The following ANK2 variants were observed in gnomAD, a reference collection of about 807,000 sequenced individuals.
ANK2 encodes ankyrin 2.
In ANK2, 83 loss-of-function variants were observed where a neutral mutation model predicts 360.5. The ratio of observed to expected loss-of-function variants is 0.23; its 90% CI spans 0.19 to 0.28. The LOEUF is 0.28. Ranked by LOEUF, ANK2 falls within the 10% of genes least tolerant of loss-of-function variation. ANK2 has a pLI of 1.00. For synonymous variants in ANK2, 1,740 were observed against 1,759.5 expected (o/e 0.99, Z 0.28); for missense variants, 4,201 against 4,795.7 (o/e 0.88, Z 3.66).
At chr4:112,996,431 A>G (rs372944972) in intron 2 of ANK2, among the ~76,000 whole-genome samples, 1 of 152,174 alleles carries the variant, frequency 6.6e-6, no homozygotes, top group South Asian at 2.1e-4. Context: ...TAATAAAACT[A>G]TATTTTAAAA....
chr4:113,111,702 G>GA (rs34301857), intron 1 of ANK2, among the ~76,000 whole-genome samples: 3 of 151,552 alleles, frequency 2.0e-5, no homozygotes, highest in Non-Finnish European at 2.9e-5. Context: ...ATATTTTTTG[G>GA]AAAAAAAACC....
chr4:113,278,641 G>T, intron 17 of ANK2, 83 bp downstream of exon 17: 2 of 1,375,238 alleles, frequency 1.5e-6, no homozygotes, highest in South Asian at 1.2e-5. Context: ...TAAACACATG[G>T]TATAGTATAA....
At chr4:112,742,311 AACTGCTAC>A in the ANK2 span, among the ~76,000 whole-genome samples, 1 of 152,302 alleles carries the variant, frequency 6.6e-6, no homozygotes, top group African/African-American at 2.4e-5. Context: ...AAAATATGAT[AACTGCTAC>A]ACAGACTTGG....
chr4:113,378,046 A>G (rs190921285), intron 45 of ANK2: 36 of 976,040 alleles, frequency 3.7e-5, no homozygotes, highest in Admixed American at 3.3e-4. Flanking sequence ...TTGAAAGTCT[A>G]TAGTTTATGA....
chr4:113,294,949 T>A (rs1416582659), intron 22 of ANK2, among the ~76,000 whole-genome samples: 3 of 152,172 alleles, frequency 2.0e-5, no homozygotes, highest in East Asian at 3.8e-4. Context: ...TAAAACAAGG[T>A]GTACATCACA....
intron 1 of ANK2, among the ~76,000 whole-genome samples, chr4:113,055,960 A>G (rs1438103222): frequency 6.6e-6 from 1 of 152,078 alleles, no homozygotes; most frequent in African/African-American, 2.4e-5. Context: ...ACTCTTATCT[A>G]TGGGAATAAC....
At chr4:113,375,219 A>G (rs2096882286) in intron 45 of ANK2, among the ~76,000 whole-genome samples, 1 of 152,206 alleles carries the variant, frequency 6.6e-6, no homozygotes, top group South Asian at 2.1e-4. Flanking sequence ...GAGCTGGTAT[A>G]TGATTATACA....
intron 26 of ANK2, among the ~76,000 whole-genome samples, chr4:113,329,510 G>T (rs1452477606): frequency 6.6e-6 from 1 of 152,128 alleles, no homozygotes; most frequent in Non-Finnish European, 1.5e-5. Flanking sequence ...AGATGATACA[G>T]ATATCTTCCA....
chr4:113,009,289 A>C (rs2053949614), intron 2 of ANK2, among the ~76,000 whole-genome samples: 1 of 152,188 alleles, frequency 6.6e-6, no homozygotes, highest in Non-Finnish European at 1.5e-5. Flanking sequence ...TGAAAACTAC[A>C]GAGTGCCTTA....
At chr4:113,187,457 G>A (rs2098551772) in intron 2 of ANK2, among the ~76,000 whole-genome samples, 1 of 152,124 alleles carries the variant, frequency 6.6e-6, no homozygotes, top group African/African-American at 2.4e-5. Context: ...TCTACTTTTA[G>A]TGAAATTTTT....
chr4:112,977,106 C>G (rs909320244), intron 2 of ANK2, among the ~76,000 whole-genome samples: 3 of 152,102 alleles, frequency 2.0e-5, no homozygotes, highest in African/African-American at 7.2e-5. Flanking sequence ...TACTGGGCCA[C>G]ATGTTTACTG....
chr4:113,276,561 A>G (rs1377456412), intron 15 of ANK2, among the ~76,000 whole-genome samples: 3 of 152,258 alleles, frequency 2.0e-5, no homozygotes, highest in East Asian at 3.9e-4. Flanking sequence ...TATCACCCTA[A>G]TCATTGTGTG....
chr4:113,319,845 T>G (rs1379370036), intron 26 of ANK2, among the ~76,000 whole-genome samples: 2 of 152,204 alleles, frequency 1.3e-5, no homozygotes. Flanking sequence ...GCTAATGAAC[T>G]TCTTCACAGT....
intron 38 of ANK2, among the ~76,000 whole-genome samples, chr4:113,360,515 T>A (rs1355954547): frequency 6.6e-6 from 1 of 152,130 alleles, no homozygotes; most frequent in Non-Finnish European, 1.5e-5. Context: ...GGTGGTCTTC[T>A]TGGTGGGCAG....
chr4:113,084,637 G>C lies in ANK2; in HGVS notation c.84+34825G>C, dbSNP rs189701463. ...AATAGTTTTTCCCAAGGGTAAAAGG[G>C]GAGAAACTATTTTTTACTTTTTAAG... On this transcript the variant is annotated intron_variant, in intron 1 of 45. Coordinates refer to ENST00000357077, the MANE Select transcript of ANK2 (RefSeq NM_001148.6). Among the ~76,000 whole-genome samples, 330 of 152,190 alleles carry C rather than the reference G, an allele frequency of 2.2e-3. 5 individuals carry two copies. The highest frequency in any genetic ancestry group is 1.7e-3 in the Non-Finnish European group (117 of 67,968).
chr4:113,311,534 G>A (rs2079954692), intron 24 of ANK2, 135 bp downstream of exon 24: 2 of 1,208,290 alleles, frequency 1.7e-6, no homozygotes, highest in East Asian at 5.1e-5. Context: ...AGCATGTTAT[G>A]TTTTTCCATT....
chr4:113,036,912 T>C (rs1055643214), intron 2 of ANK2, among the ~76,000 whole-genome samples: 5 of 151,942 alleles, frequency 3.3e-5, no homozygotes, highest in Non-Finnish European at 5.9e-5. Context: ...CTATAAAAGA[T>C]TCAGGCTTCC....
At chr4:113,369,836 C>T (rs2154067644) in intron 43 of ANK2, 31 bp downstream of exon 43, 1 of 1,613,550 alleles carries the variant, frequency 6.2e-7, no homozygotes. Flanking sequence ...TTCTCGCCCA[C>T]CTGTAACAAA....
chr4:113,047,300 C>G (rs1020658503), upstream of ANK2, among the ~76,000 whole-genome samples: 5 of 152,106 alleles, frequency 3.3e-5, no homozygotes, highest in Admixed American at 6.5e-5. Flanking sequence ...TACTTTTTTT[C>G]CCCAGAGCAT....
Sources: allele counts gnomAD v4.1 joint callset (sites outside exome capture counted in the v4.1 genomes callset), GRCh38; gene constraint gnomAD v4.1.1; transcripts MANE v1.5; gene names NCBI Gene and HGNC (gene_info 2026-07-23, HGNC 2026-07-21).